Variants in SULT6B1 observed in about 807,000 individuals in gnomAD.
SULT6B1 encodes sulfotransferase 6B1.
Under a neutral mutation model 37.2 loss-of-function variants are expected in SULT6B1, and 44 were observed. That is an observed-to-expected ratio of 1.18 (90% CI 0.93 to 1.52). The LOEUF (loss-of-function observed/expected upper bound fraction) is 1.52. SULT6B1 is among the 40% of genes most tolerant of loss of function. The pLI is 0.00. For synonymous variants in SULT6B1, 140 were observed against 126.0 expected, an observed-to-expected ratio of 1.11 and a Z score of -0.74; for missense variants, 450 against 361.0, an observed-to-expected ratio of 1.25 and a Z score of -2.00.
chr2:37,193,598 A>AGG (rs59564509), upstream of SULT6B1, among the ~76,000 whole-genome samples: 1 of 17,736 alleles, frequency 5.6e-5, no homozygotes, highest in Non-Finnish European at 1.3e-4. Flanking sequence ...GAAGAAGAAA[A>AGG]AGAAGAAGAA....
chr2:37,186,456 G>C (rs1375367171), intron 2 of SULT6B1, among the ~76,000 whole-genome samples: 1 of 152,122 alleles, frequency 6.6e-6, no homozygotes. Context: ...GACCCAGTTA[G>C]TTGTATTGGG....
chr2:37,181,568 C>CG (rs533542643), intron 3 of SULT6B1, among the ~76,000 whole-genome samples: 3,518 of 151,918 alleles, frequency 0.023, 64 homozygotes, highest in Middle Eastern at 0.055. Context: ...TTTGTAGAGA[C>CG]AGGGGTCTCA....
Position 37,167,960 on chromosome 2 carries a change from T to A in SULT6B1, c.887A>T (p.Lys296Met), listed in dbSNP as rs45495394. The A allele has an allele frequency of 3.1e-6, 5 of 1,598,732 alleles. No individual in the cohort carries two copies. The highest frequency in any genetic ancestry group is 4.3e-6 in the Non-Finnish European group (5 of 1,176,466). ...LAGTSLGAKLKYESYCQG is the reference protein window; with the variant it reads ...LAGTSLGAKLMYESYCQG ...TCAACCCTGGCAATATGATTCATAC[T>A]TCAACTTTGCTCCGAGGGAGGTGCC... Residue 296 changes from lysine (K) to methionine (M), a missense_variant, in exon 7 of 7, where the codon AAG becomes ATG. Physicochemically the swap from Lys to Met is moderately conservative, Grantham distance 95. Transcript: ENST00000535679.
intron 5 of SULT6B1, among the ~76,000 whole-genome samples, chr2:37,173,165 T>C (rs760786166): frequency 4.5e-4 from 68 of 152,182 alleles, no homozygotes; most frequent in Non-Finnish European, 8.5e-4. Context: ...AACCACACTT[T>C]CTTTTTATAA....
intron 1 of SULT6B1, among the ~76,000 whole-genome samples, 175 bp downstream of exon 1, chr2:37,188,245 ACACTGGAGTTTTTTAATCTAGC>A (rs1395568037): frequency 6.6e-6 from 1 of 151,986 alleles, no homozygotes; most frequent in Non-Finnish European, 1.5e-5. Context: ...CTTCCTTCAG[ACACTGGAGTTTTTTAATCTAGC>A]AGTTCTATTT....
intron 2 of SULT6B1, among the ~76,000 whole-genome samples, chr2:37,186,876 A>G (rs1362486742): frequency 6.6e-6 from 1 of 152,186 alleles, no homozygotes; most frequent in Non-Finnish European, 1.5e-5. Flanking sequence ...AGCCTGGGCA[A>G]TGAAGTGAGA....
intron 2 of SULT6B1, among the ~76,000 whole-genome samples, chr2:37,185,693 G>A (rs992343351): frequency 3.5e-5 from 5 of 142,544 alleles, no homozygotes; most frequent in Non-Finnish European, 7.6e-5. Context: ...ACTCCAGCCT[G>A]GGTGACAGAG....
At chr2:37,183,651 T>G (rs1676605305) in intron 2 of SULT6B1, 137 bp from the exon 3 acceptor site, 1 of 647,154 alleles carries the variant, frequency 1.5e-6, no homozygotes, top group African/African-American at 1.8e-5. Context: ...CTCCTCCAAT[T>G]TTTCTTTTTT....
upstream of SULT6B1, among the ~76,000 whole-genome samples, chr2:37,192,602 AAG>A (rs1676802576): frequency 6.6e-6 from 1 of 152,212 alleles, no homozygotes; most frequent in South Asian, 2.1e-4. Flanking sequence ...CCAAAAATAA[AAG>A]AGGAACAGGA....
chr2:37,172,728 G>A (rs562446047), intron 5 of SULT6B1, among the ~76,000 whole-genome samples: 131 of 152,258 alleles, frequency 8.6e-4, no homozygotes, highest in Non-Finnish European at 8.4e-4. Context: ...GGCTGGTCTC[G>A]AACTCCTGAC....
upstream of SULT6B1, among the ~76,000 whole-genome samples, chr2:37,193,399 T>C (rs1342839832): frequency 1.3e-5 from 2 of 151,360 alleles, no homozygotes; most frequent in Non-Finnish European, 2.9e-5. Context: ...GAGGCAGGGC[T>C]TGTAGTGAGC....
At chr2:37,184,429 C>G (rs1334716106) in intron 2 of SULT6B1, among the ~76,000 whole-genome samples, 2 of 152,168 alleles carry the variant, frequency 1.3e-5, no homozygotes. Flanking sequence ...ATAAAATTAT[C>G]TATTTAATCT....
At chr2:37,193,446 A>G (rs1358869495), upstream of SULT6B1, among the ~76,000 whole-genome samples, 1 of 151,938 alleles carries the variant, frequency 6.6e-6, no homozygotes, top group Admixed American at 6.6e-5. Flanking sequence ...CGGGTGACAG[A>G]GTGAGACTCT....
At chr2:37,190,605 G>C (rs1033292523), upstream of SULT6B1, among the ~76,000 whole-genome samples, 1 of 152,176 alleles carries the variant, frequency 6.6e-6, no homozygotes, top group African/African-American at 2.4e-5. Context: ...GAGAGGTGAG[G>C]GTTGGCGGGA....
upstream of SULT6B1, among the ~76,000 whole-genome samples, chr2:37,191,576 C>T (rs1184013856): frequency 3.3e-5 from 5 of 152,184 alleles, no homozygotes; most frequent in Admixed American, 6.5e-5. Flanking sequence ...AGTTCTTGTC[C>T]TGCATTCAAG....
rs771928150 is a variant in SULT6B1 at position 37,187,354 on chromosome 2, C to T, written c.312+1G>A. 3.8e-6 allele frequency: 6 copies of T among 1,569,068 alleles called. No homozygotes were observed. The highest frequency in any genetic ancestry group is 1.7e-4 in the Middle Eastern group (1 of 6,000). ...TAAGGTTAAAGGCTGGTTGTACTAA[C>T]CTGATATTTTTCTGAATCCCCACAT... On this transcript the variant is annotated splice_donor_variant, in intron 2 of 6. Transcript: ENST00000535679. LOFTEE classifies it high-confidence loss of function.
At chr2:37,183,016 C>A (rs568679953) in intron 3 of SULT6B1, among the ~76,000 whole-genome samples, 1 of 152,084 alleles carries the variant, frequency 6.6e-6, no homozygotes, top group Non-Finnish European at 1.5e-5. Flanking sequence ...GAGATGCTGT[C>A]TCTATAAAAA....
intron 2 of SULT6B1, among the ~76,000 whole-genome samples, chr2:37,185,663 A>G (rs959173322): frequency 6.9e-6 from 1 of 145,910 alleles, no homozygotes; most frequent in African/African-American, 2.6e-5. Context: ...GGGTGCAGTG[A>G]GCCGAGATCG....
At chr2:37,180,039 A>T (rs1469513322) in intron 3 of SULT6B1, among the ~76,000 whole-genome samples, 1 of 152,234 alleles carries the variant, frequency 6.6e-6, no homozygotes, top group Non-Finnish European at 1.5e-5. Context: ...CATGACACAG[A>T]ACGTCTGAAT....
Sources: allele counts gnomAD v4.1 joint callset (sites outside exome capture counted in the v4.1 genomes callset), GRCh38; gene constraint gnomAD v4.1.1; transcripts MANE v1.5; gene names NCBI Gene and HGNC (gene_info 2026-07-23, HGNC 2026-07-21).